Variants in ANO6 observed in about 807,000 individuals in gnomAD.
ANO6 encodes anoctamin 6, also known as anoctamin-6.
Under a neutral mutation model 117.5 loss-of-function variants are expected in ANO6, and 106 were observed. The observed-to-expected ratio is 0.90, with a 90% CI of 0.77 to 1.06. The LOEUF (loss-of-function observed/expected upper bound fraction) is 1.06. Ranked by LOEUF, ANO6 falls within the 50% of genes least tolerant of loss-of-function variation. The probability of loss-of-function intolerance (pLI) is 0.00; values close to 1 mark genes in which losing one functional copy is unlikely to be tolerated. For missense variants in ANO6, 955 were observed against 1,121.1 expected (o/e 0.85, Z 2.12); for synonymous variants, 367 against 385.1 (o/e 0.95, Z 0.55).
chr12:45,243,310 C>A (rs1260504604), intron 1 of ANO6, among the ~76,000 whole-genome samples: 1 of 151,950 alleles, frequency 6.6e-6, no homozygotes, highest in Non-Finnish European at 1.5e-5. Flanking sequence ...CAGAGTGAGA[C>A]CCTCTCTTAA....
intron 2 of ANO6, among the ~76,000 whole-genome samples, chr12:45,310,720 C>T (rs1040108682): frequency 6.6e-6 from 1 of 151,990 alleles, no homozygotes; most frequent in Non-Finnish European, 1.5e-5. Context: ...ATTAAAAGAG[C>T]TTGTAGATTT....
intron 2 of ANO6, among the ~76,000 whole-genome samples, chr12:45,328,775 C>A (rs1179492131): frequency 6.6e-6 from 1 of 151,724 alleles, no homozygotes; most frequent in African/African-American, 2.4e-5. Context: ...CCTTTGTGTT[C>A]TTCTTGGAAT....
chr12:45,291,472 G>GA (rs1199206859), intron 1 of ANO6, among the ~76,000 whole-genome samples: 1 of 150,658 alleles, frequency 6.6e-6, no homozygotes, highest in East Asian at 1.9e-4. Context: ...CGGGACTTGA[G>GA]AAAATTAAAA....
At chr12:45,380,070 A>C (rs985520104) in intron 10 of ANO6, among the ~76,000 whole-genome samples, 1 of 152,196 alleles carries the variant, frequency 6.6e-6, no homozygotes, top group Non-Finnish European at 1.5e-5. Context: ...CCAGACGCAT[A>C]TGGCACTTAT....
At chr12:45,372,506 G>T (rs56709995) in intron 9 of ANO6, among the ~76,000 whole-genome samples, 2 of 141,140 alleles carry the variant, frequency 1.4e-5, no homozygotes, top group Admixed American at 7.1e-5. Flanking sequence ...GACTAACAGC[G>T]GATCTCTCGG....
intron 1 of ANO6, among the ~76,000 whole-genome samples, chr12:45,251,421 G>A (rs978733748): frequency 2.6e-5 from 4 of 152,204 alleles, no homozygotes; most frequent in Admixed American, 2.6e-4. Flanking sequence ...GCTGAGTGGT[G>A]TTTAGCTGGC....
chr12:45,319,911 G>C (rs1325530542), intron 2 of ANO6, among the ~76,000 whole-genome samples: 1 of 152,308 alleles, frequency 6.6e-6, no homozygotes, highest in East Asian at 1.9e-4. Context: ...GCGTAGAAGT[G>C]TTTGTAGTAT....
At chr12:45,380,682 T>C (rs971365047) in intron 10 of ANO6, among the ~76,000 whole-genome samples, 1 of 152,128 alleles carries the variant, frequency 6.6e-6, no homozygotes, top group Non-Finnish European at 1.5e-5. Flanking sequence ...ATTAGGAGGT[T>C]GGAATAAACG....
At chr12:45,317,113 G>GTGTGTGTATATATATATA in intron 2 of ANO6, among the ~76,000 whole-genome samples, 917 of 66,458 alleles carry the variant, frequency 0.014, 233 homozygotes, top group East Asian at 0.075. Flanking sequence ...CTTTTTATAT[G>GTGTGTGTATATATATATA]TATATATATA....
intron 1 of ANO6, among the ~76,000 whole-genome samples, chr12:45,293,729 GTTTTTTTT>G (rs138396024): frequency 2.1e-5 from 1 of 48,406 alleles, no homozygotes; most frequent in Non-Finnish European, 3.6e-5. Context: ...CCTGGCTAAT[GTTTTTTTT>G]TTTTTTTTTT....
At chr12:45,304,651 G>A (rs1027010977) in intron 2 of ANO6, among the ~76,000 whole-genome samples, 1 of 152,126 alleles carries the variant, frequency 6.6e-6, no homozygotes, top group East Asian at 1.9e-4. Context: ...ATACAATGGG[G>A]TGTATTTATA....
intron 1 of ANO6, among the ~76,000 whole-genome samples, chr12:45,253,743 A>C (rs1227071601): frequency 6.6e-6 from 1 of 152,308 alleles, no homozygotes; most frequent in East Asian, 1.9e-4. Flanking sequence ...ATTACATCCA[A>C]AGTTCTTCCC....
At chr12:45,299,696 C>CA (rs563973212) in intron 1 of ANO6, among the ~76,000 whole-genome samples, 26 of 151,462 alleles carry the variant, frequency 1.7e-4, no homozygotes, top group Middle Eastern at 3.4e-3. Flanking sequence ...ACTAAAAATA[C>CA]AAAAAAAACT....
chr12:45,222,618 G>A (rs922452606), intron 1 of ANO6, among the ~76,000 whole-genome samples: 3 of 152,150 alleles, frequency 2.0e-5, no homozygotes, highest in Non-Finnish European at 4.4e-5. Context: ...AGCAGAAGCA[G>A]GCCTCAGAAA....
At chr12:45,429,077 G>T (rs1346056030) in intron 19 of ANO6, 28 bp from the exon 20 acceptor site, 7 of 1,610,444 alleles carry the variant, frequency 4.3e-6, no homozygotes, top group Middle Eastern at 1.7e-4. Context: ...TTCTTTGTGA[G>T]TGACATTTTT....
intron 12 of ANO6, among the ~76,000 whole-genome samples, chr12:45,394,835 AT>A (rs879125720): frequency 6.6e-6 from 1 of 152,252 alleles, no homozygotes; most frequent in Non-Finnish European, 1.5e-5. Context: ...TCTGAGACAC[AT>A]TTAAAGCAGT....
At chr12:45,279,980 T>A (rs1702653097) in intron 1 of ANO6, among the ~76,000 whole-genome samples, 1 of 152,228 alleles carries the variant, frequency 6.6e-6, no homozygotes. Context: ...TGTGGATTTT[T>A]TTTCCTCTGG....
intron 2 of ANO6, among the ~76,000 whole-genome samples, chr12:45,319,266 T>C (rs1940169167): frequency 6.6e-6 from 1 of 152,196 alleles, no homozygotes; most frequent in African/African-American, 2.4e-5. Context: ...CATAAATAGC[T>C]CTTATCATTT....
chr12:45,390,796 A>G (rs1438562085), intron 12 of ANO6, among the ~76,000 whole-genome samples: 7 of 152,222 alleles, frequency 4.6e-5, no homozygotes, highest in Non-Finnish European at 1.0e-4. Context: ...GAAGGCATTA[A>G]GAATTCTAAA....
Sources: gnomAD v4.1 joint callset for allele counts (sites outside exome capture counted in the v4.1 genomes callset) on GRCh38, gnomAD v4.1.1 for gene constraint, MANE v1.5 for transcripts, NCBI Gene and HGNC (gene_info 2026-07-23, HGNC 2026-07-21) for gene names.